NDST3: variants seen among roughly 807,000 people sequenced by gnomAD.
The protein encoded by NDST3 is bifunctional heparan sulfate N-deacetylase/N-sulfotransferase 3.
In NDST3, 58 loss-of-function variants were observed where a neutral mutation model predicts 96.1. The ratio of observed to expected loss-of-function variants is 0.60; its 90% confidence interval spans 0.49 to 0.75. The LOEUF (loss-of-function observed/expected upper bound fraction) is 0.75. NDST3 is among the 30% of genes least tolerant of loss of function. NDST3 has a pLI of 0.00. For missense variants in NDST3, 788 were observed against 1,034.2 expected (o/e 0.76, Z 3.27); for synonymous variants, 333 against 359.7 (o/e 0.93, Z 0.84).
At chr4:118,210,259 A>G (rs4546313) in intron 6 of NDST3, among the ~76,000 whole-genome samples, 146,792 of 152,216 alleles carry the variant, frequency 0.96, 70,881 homozygotes, top group Admixed American at 0.98. Context: ...CAGAGAGCTT[A>G]AGAGGTGTTT....
intron 6 of NDST3, among the ~76,000 whole-genome samples, chr4:118,173,368 A>G (rs1736079953): frequency 6.6e-6 from 1 of 152,124 alleles, no homozygotes; most frequent in Non-Finnish European, 1.5e-5. Context: ...GCCCATGCTC[A>G]TAGCCTTAGA....
At chr4:118,152,254 T>C (rs1463167215) in intron 6 of NDST3, among the ~76,000 whole-genome samples, 1 of 152,214 alleles carries the variant, frequency 6.6e-6, no homozygotes, top group Non-Finnish European at 1.5e-5. Context: ...TTTGTCTTCC[T>C]GTATAGAGAC....
chr4:118,093,668 G>A (rs1208807553), intron 2 of NDST3, among the ~76,000 whole-genome samples: 1 of 151,698 alleles, frequency 6.6e-6, no homozygotes, highest in African/African-American at 2.4e-5. Context: ...TATCTAATCT[G>A]CTATATTCTT....
intron 5 of NDST3, among the ~76,000 whole-genome samples, chr4:118,140,786 G>A (rs1411921363): frequency 6.6e-6 from 1 of 152,130 alleles, no homozygotes; most frequent in Non-Finnish European, 1.5e-5. Flanking sequence ...GAACTCACTC[G>A]CTATCACAAG....
At chr4:118,136,755 CAG>C (rs1310949981) in intron 4 of NDST3, among the ~76,000 whole-genome samples, 1 of 151,950 alleles carries the variant, frequency 6.6e-6, no homozygotes, top group Admixed American at 6.6e-5. Context: ...GAACAATAAA[CAG>C]AGTTTACGAG....
rs371203429 is a variant in NDST3, at chr4:118,066,490, TTA to T, written c.981+11605_981+11606del. ...ATATATGTTATATATTATATATACA[TTA>T]TATATGTTATATATTATATATACAT... On this transcript the variant is annotated intron_variant, in intron 2 of 13. Transcript: ENST00000296499. Among the ~76,000 whole-genome samples, 6 of 8,410 alleles carry T rather than the reference TTA, an allele frequency of 7.1e-4. 1 individual carries two copies. Among genetic ancestry groups the T allele is most frequent in the East Asian group, 7.6e-3 (1 of 132 alleles). 5.5% of individuals were successfully genotyped at this position (8,410 alleles called of 152,430 possible). A position where few individuals can be genotyped will look rare whatever the true frequency, so the allele number is the denominator to read the frequency against.
At position 118,217,705 on chromosome 4, in the gene NDST3, G is replaced by A. The variant is rs74990287; in HGVS notation, c.1540-6786G>A. On this transcript the variant is annotated intron_variant, in intron 6 of 13. Transcript: ENST00000296499. ...TCCTTTGCCACATAGCCCTTAAAAC[G>A]TCATGAAATAAAGCAAAAGTGAATG... Among the ~76,000 whole-genome samples, 1,322 of 151,976 alleles carry A rather than the reference G, an allele frequency of 8.7e-3. 28 individuals are homozygous for A. Among genetic ancestry groups the A allele is most frequent in the African/African-American group, 0.029 (1,202 of 41,490 alleles).
At chr4:118,136,321 A>G (rs746435681) in intron 4 of NDST3, among the ~76,000 whole-genome samples, 7 of 152,236 alleles carry the variant, frequency 4.6e-5, no homozygotes, top group Non-Finnish European at 1.0e-4. Context: ...CACATTTTTT[A>G]AAGTTGTTAA....
At chr4:118,242,352 C>T (rs1268788842) in intron 12 of NDST3, among the ~76,000 whole-genome samples, 1 of 151,292 alleles carries the variant, frequency 6.6e-6, no homozygotes, top group Admixed American at 6.6e-5. Context: ...CCTAATTGTA[C>T]AAAGATTTCC....
chr4:118,185,739 G>C (rs2125957901), intron 6 of NDST3, among the ~76,000 whole-genome samples: 1 of 152,208 alleles, frequency 6.6e-6, no homozygotes, highest in Admixed American at 6.5e-5. Flanking sequence ...TGCCTAATTT[G>C]GACATGGCTT....
intron 6 of NDST3, among the ~76,000 whole-genome samples, chr4:118,185,687 G>C (rs1210658817): frequency 1.3e-5 from 2 of 152,068 alleles, no homozygotes; most frequent in Non-Finnish European, 2.9e-5. Flanking sequence ...CATGGAAGTG[G>C]GGTACAGAAA....
intron 6 of NDST3, among the ~76,000 whole-genome samples, chr4:118,181,059 A>G (rs1013314467): frequency 3.9e-5 from 6 of 152,272 alleles, no homozygotes; most frequent in Non-Finnish European, 7.4e-5. Flanking sequence ...TGTAAAGGAG[A>G]GCAAAGCTTC....
chr4:118,254,858 C>G (rs532037552), intron 13 of NDST3, among the ~76,000 whole-genome samples: 69 of 152,206 alleles, frequency 4.5e-4, no homozygotes, highest in African/African-American at 1.7e-3. Flanking sequence ...TCAATAAACT[C>G]ATAATTAAAT....
At chr4:118,193,350 C>A (rs1386050781) in intron 6 of NDST3, 2 of 466,226 alleles carry the variant, frequency 4.3e-6, no homozygotes, top group Non-Finnish European at 3.9e-6. Flanking sequence ...ACTAACAGGG[C>A]AGAGTAGGGA....
At chr4:118,180,151 A>G (rs11730687) in intron 6 of NDST3, among the ~76,000 whole-genome samples, 25,713 of 151,902 alleles carry the variant, frequency 0.17, 2,327 homozygotes, top group South Asian at 0.23. Context: ...AAGTTTGTTA[A>G]CTGAGTGTAT....
intron 6 of NDST3, among the ~76,000 whole-genome samples, chr4:118,213,207 G>A (rs551970792): frequency 1.3e-5 from 2 of 152,194 alleles, no homozygotes; most frequent in South Asian, 4.1e-4. Flanking sequence ...CTCACAGCTC[G>A]AACATAAATT....
intron 2 of NDST3, among the ~76,000 whole-genome samples, chr4:118,091,333 T>C (rs1206625293): frequency 2.0e-5 from 3 of 151,876 alleles, no homozygotes; most frequent in Admixed American, 6.6e-5. Context: ...TAGCAGATCA[T>C]TGCAAAATCT....
rs1208896261 is a variant in NDST3, at chr4:118,258,271, T to C, written c.*2559T>C. 6.6e-6 allele frequency: 1 copy of C among 152,234 alleles called. No homozygotes were observed. Among genetic ancestry groups the C allele is most frequent in the Non-Finnish European group, 1.5e-5 (1 of 68,044 alleles). 9.4% of individuals were successfully genotyped at this position (152,234 alleles called of 1,614,324 possible). ...TGAAAGGATTTTTGACCACTCAATGTGTCTTGAAGACAGCATCAAATTCTA... is the reference window on the plus strand; with the variant it reads ...TGAAAGGATTTTTGACCACTCAATGCGTCTTGAAGACAGCATCAAATTCTA... On this transcript the variant is annotated 3_prime_UTR_variant, in exon 14 of 14. Coordinates refer to ENST00000296499, the MANE Select transcript of NDST3 (RefSeq NM_004784.3).
intron 6 of NDST3, among the ~76,000 whole-genome samples, chr4:118,186,289 AT>A (rs1031332792): frequency 6.6e-6 from 1 of 152,190 alleles, no homozygotes; most frequent in Non-Finnish European, 1.5e-5. Context: ...AAATTCCTCC[AT>A]TTTGATTAAC....
Sources: allele counts gnomAD v4.1 joint callset (sites outside exome capture counted in the v4.1 genomes callset), GRCh38; gene constraint gnomAD v4.1.1; transcripts MANE v1.5; gene names NCBI Gene and HGNC (gene_info 2026-07-23, HGNC 2026-07-21).